The following USP9Y variants were observed in gnomAD, a reference collection of about 807,000 sequenced individuals.
The protein encoded by USP9Y is ubiquitin carboxyl-terminal hydrolase 9Y.
In USP9Y, 41 loss-of-function variants were observed where a neutral mutation model predicts 53.1. The observed-to-expected ratio is 0.77, with a 90% confidence interval of 0.60 to 1.00. The LOEUF (loss-of-function observed/expected upper bound fraction) is 1.00. Ranked by LOEUF, USP9Y falls within the 50% of genes least tolerant of loss-of-function variation. The probability of loss-of-function intolerance (pLI) is 0.00; values close to 1 mark genes in which losing one functional copy is unlikely to be tolerated. For missense variants in USP9Y, 567 were observed against 535.8 expected, an observed-to-expected ratio of 1.06 and a Z score of -0.58; for synonymous variants, 220 against 173.7, an observed-to-expected ratio of 1.27 and a Z score of -2.09.
chrY:12,825,903 C>A (rs866931087), intron 33 of USP9Y, among the ~76,000 whole-genome samples: 78 of 21,421 alleles, frequency 3.6e-3, no homozygotes, highest in Admixed American at 5.7e-3. Flanking sequence ...CTTTTCTTTT[C>A]TTTTCTTTTC....
In USP9Y at chrY:12,859,395, A is replaced by G. The variant is rs1213847666; in HGVS notation, c.7647A>G (p.Ser2549=). Reference sequence around the variant, plus strand: ...ATGAAGGCAATGAAGAAGTATCCTCACCTCAGATGAAGGATCAGTGAAAAG... The same window carrying G: ...ATGAAGGCAATGAAGAAGTATCCTCGCCTCAGATGAAGGATCAGTGAAAAG... ...ENYEGNEEVS[S]PQMKDQ The change falls in exon 46 of 46, where the codon TCA becomes TCG. Residue 2549 remains serine (S), a synonymous_variant. Transcript: ENST00000338981. 1 of 397,885 alleles carries G rather than the reference A, an allele frequency of 2.5e-6. No individual in the cohort carries two copies. Among genetic ancestry groups the G allele is most frequent in the Non-Finnish European group, 3.5e-6 (1 of 283,086 alleles).
chrY:12,788,021 G>C (rs2053503801), intron 24 of USP9Y, among the ~76,000 whole-genome samples: 8 of 33,632 alleles, frequency 2.4e-4, no homozygotes, highest in African/African-American at 8.1e-4. Context: ...TCTACAATAC[G>C]TACAAGAGGT....
chrY:12,780,355 T>C, intron 22 of USP9Y, among the ~76,000 whole-genome samples: 5 of 33,191 alleles, frequency 1.5e-4, no homozygotes, highest in African/African-American at 5.9e-4. Context: ...TCCTGCTGCC[T>C]TGTGCTTTGT....
chrY:12,735,618 C>A lies in USP9Y; in HGVS notation c.664C>A (p.Leu222Ile), dbSNP rs1290418405. ...SSDPRSPKGW[L>I]VDLINKFGTL... ...ATTATTAACTGTATTACAGGGTTGG[C>A]TAGTGGATCTCATCAATAAATTTGG... The change falls in exon 8 of 46, where the codon CTA (leucine) becomes ATA (isoleucine). Residue 222 changes from leucine (L) to isoleucine (I), a missense_variant. By Grantham distance (5) the Leu-to-Ile change is conservative (BLOSUM62 2). Coordinates refer to ENST00000338981, the MANE Select transcript of USP9Y (RefSeq NM_004654.4). 2.6e-6 allele frequency: 1 copy of A among 385,920 alleles called. No homozygotes were observed. Among genetic ancestry groups the A allele is most frequent in the Non-Finnish European group, 3.7e-6 (1 of 273,433 alleles).
chrY:12,731,370 A>G (rs2053447030), intron 7 of USP9Y, among the ~76,000 whole-genome samples: 1 of 33,400 alleles, frequency 3.0e-5, no homozygotes, highest in Non-Finnish European at 7.4e-5. Context: ...AATTCAGTAA[A>G]GCAAAGCGTA....
intron 40 of USP9Y, among the ~76,000 whole-genome samples, 187 bp from the exon 41 acceptor site, chrY:12,846,746 A>G: frequency 5.9e-5 from 2 of 33,626 alleles, no homozygotes; most frequent in Non-Finnish European, 1.5e-4. Flanking sequence ...TAGTGTAAAA[A>G]TGATAAACTT....
chrY:12,835,819 T>C (rs2053555013), intron 34 of USP9Y, among the ~76,000 whole-genome samples: 1 of 33,172 alleles, frequency 3.0e-5, no homozygotes, highest in African/African-American at 1.2e-4. Flanking sequence ...TGTTTAGACA[T>C]TTTGAAAATA....
chrY:12,734,500 A>G (rs916015545), intron 7 of USP9Y, among the ~76,000 whole-genome samples: 1 of 33,662 alleles, frequency 3.0e-5, no homozygotes, highest in South Asian at 6.6e-4. Context: ...TTTTCTTTGA[A>G]CAGAAACAAG....
Position 12,778,040 on chromosome Y carries a change from C to T in USP9Y, c.2661C>T (p.Leu887=), listed in dbSNP as rs34601266. 714 of 393,417 alleles carry T rather than the reference C, an allele frequency of 1.8e-3. No homozygotes were observed. Among genetic ancestry groups the T allele is most frequent in the Middle Eastern group, 7.7e-3 (13 of 1,691 alleles). The change falls in exon 20 of 46, where the codon CTC becomes CTT. Residue 887 remains leucine, a synonymous_variant. Transcript: ENST00000338981. ...PMSRAFRGKH[L]SLIVRFPNQG... is the part of the protein sequence containing the mutation. ...TCAGAGCATTTCGTGGCAAACACCT[C>T]TCTCTTATAGTTCGGTTTCCAAACC...
chrY:12,842,957 T>C, intron 38 of USP9Y, 107 bp from the exon 39 acceptor site: 3 of 255,568 alleles, frequency 1.2e-5, no homozygotes, highest in Admixed American at 2.3e-4. Flanking sequence ...TATTTAATAA[T>C]TTTCTTTCTG....
At position 12,837,999 on chromosome Y, in the gene USP9Y, G is replaced by T; in HGVS notation, c.5284G>T (p.Gly1762Ter). 1 of 380,299 alleles carries T rather than the reference G, an allele frequency of 2.6e-6. No homozygotes were observed. The highest frequency in any genetic ancestry group is 3.7e-6 in the Non-Finnish European group (1 of 267,521). The allele number at this position is 380,299 out of a possible 400,897, so 94.9% of individuals were successfully genotyped here. A position where few individuals can be genotyped will look rare whatever the true frequency, so the allele number is the denominator to read the frequency against. ...LLDSLEQYIK[G>*]DLLEGANAYH... is the part of the protein sequence containing the mutation. ...TGACTCTTTGGAACAGTATATCAAAGGAGATTTATTGGAAGGTGCAAATGC... is the reference window on the plus strand; with the variant it reads ...TGACTCTTTGGAACAGTATATCAAATGAGATTTATTGGAAGGTGCAAATGC... The change falls in exon 35 of 46, where the codon GGA (glycine) becomes TGA (stop). Residue 1762 changes from glycine (G) to a stop codon, truncating the protein, a stop_gained. Coordinates refer to ENST00000338981, the MANE Select transcript of USP9Y (RefSeq NM_004654.4). LOFTEE classifies it high-confidence loss of function.
chrY:12,730,667 G>C (rs756562482), intron 7 of USP9Y, among the ~76,000 whole-genome samples: 1 of 31,840 alleles, frequency 3.1e-5, no homozygotes, highest in African/African-American at 1.2e-4. Context: ...ATTTTTAGTA[G>C]AGACGGGCTT....
chrY:12,859,568 G>A lies in USP9Y; in HGVS notation c.*152G>A. On this transcript the variant is annotated 3_prime_UTR_variant, in exon 46 of 46. Transcript: ENST00000338981. ...TTCACTGGTTTATTTGCAGTAATTT[G>A]CAATTTGTCAGTGTATAAGACACAT... 3 of 182,001 alleles carry A rather than the reference G, an allele frequency of 1.6e-5. No homozygotes were observed. The highest frequency in any genetic ancestry group is 2.9e-5 in the Non-Finnish European group (3 of 104,004). 45.4% of individuals were successfully genotyped at this position (182,001 alleles called of 400,897 possible). A position where few individuals can be genotyped will look rare whatever the true frequency, so the allele number is the denominator to read the frequency against.
intron 18 of USP9Y, 29 bp downstream of exon 18, chrY:12,775,595 A>G (rs765648367): frequency 3.2e-6 from 1 of 311,309 alleles, no homozygotes; most frequent in Non-Finnish European, 4.8e-6. Context: ...AAAAAGATCC[A>G]CAACAATTGG....
chrY:12,782,294 A>C, intron 22 of USP9Y, among the ~76,000 whole-genome samples: 1 of 32,984 alleles, frequency 3.0e-5, no homozygotes, highest in Admixed American at 2.8e-4. Flanking sequence ...GGCCTACCCA[A>C]GTTCTGAGAT....
chrY:12,728,339 C>A (rs2053444548), intron 7 of USP9Y, among the ~76,000 whole-genome samples: 1 of 25,947 alleles, frequency 3.9e-5, no homozygotes, highest in African/African-American at 1.5e-4. Flanking sequence ...TTTGTAATTT[C>A]TTTGTCTTGT....
At chrY:12,839,542 G>T (rs2053558435) in intron 35 of USP9Y, among the ~76,000 whole-genome samples, 1 of 32,588 alleles carries the variant, frequency 3.1e-5, no homozygotes, top group African/African-American at 1.2e-4. Flanking sequence ...TATACAGGAG[G>T]ATGTCTGTAG....
chrY:12,821,569 T>G (rs748621179), intron 33 of USP9Y, among the ~76,000 whole-genome samples: 1 of 32,777 alleles, frequency 3.1e-5, no homozygotes, highest in Non-Finnish European at 7.5e-5. Context: ...GGTAATTCTA[T>G]GTCTAATTTT....
At chrY:12,737,762 A>G in intron 10 of USP9Y, among the ~76,000 whole-genome samples, 1 of 33,866 alleles carries the variant, frequency 3.0e-5, no homozygotes, top group East Asian at 7.6e-4. Context: ...GTTGTTTTCA[A>G]TGGATAGTGT....
Sources: allele counts gnomAD v4.1 joint callset (sites outside exome capture counted in the v4.1 genomes callset), GRCh38; gene constraint gnomAD v4.1.1; transcripts MANE v1.5; gene names NCBI Gene and HGNC (gene_info 2026-07-23, HGNC 2026-07-21).